ADARB1: variants seen among roughly 807,000 people sequenced by gnomAD.
ADARB1 encodes the protein adenosine deaminase RNA specific B1.
A neutral mutation model predicts 52.4 loss-of-function variants in ADARB1; 10 were observed. The observed-to-expected ratio is 0.19, with a 90% confidence interval of 0.12 to 0.32. The LOEUF is 0.32. ADARB1 is among the 10% of genes least tolerant of loss of function. The pLI is 1.00. For missense variants in ADARB1, 643 were observed against 922.3 expected, an observed-to-expected ratio of 0.70 and a Z score of 3.92; for synonymous variants, 349 against 371.1, an observed-to-expected ratio of 0.94 and a Z score of 0.68.
intron 8 of ADARB1, among the ~76,000 whole-genome samples, chr21:45,188,315 C>A (rs1278272604): frequency 1.3e-5 from 2 of 152,182 alleles, no homozygotes; most frequent in African/African-American, 4.8e-5. Flanking sequence ...CCATGTTGGT[C>A]AGGCTGATCT....
At chr21:45,144,692 T>G (rs777847844) in intron 2 of ADARB1, 46 of 449,970 alleles carry the variant, frequency 1.0e-4, no homozygotes, top group Non-Finnish European at 1.8e-4. Context: ...AGGGCATTGC[T>G]TCAACTCTGG....
Position 45,223,900 on chromosome 21 carries a change from G to T in ADARB1, c.*1703G>T. The stretch of plus-strand genomic sequence containing the variant: ...GGGACATGACCGGGTTCAGCGGCTA[G>T]AACATCTGCCCCACAGCAGCCTCCT... On this transcript the variant is annotated 3_prime_UTR_variant, in exon 11 of 11. Transcript: ENST00000348831. 1 of 985,564 alleles carries T rather than the reference G, an allele frequency of 1.0e-6. No individual in the cohort carries two copies. The highest frequency in any genetic ancestry group is 1.2e-6 in the Non-Finnish European group (1 of 830,116). 61.1% of individuals were successfully genotyped at this position (985,564 alleles called of 1,614,324 possible). A position where few individuals can be genotyped will look rare whatever the true frequency, so the allele number is the denominator to read the frequency against.
At chr21:45,109,247 G>A (rs369345108) in intron 1 of ADARB1, among the ~76,000 whole-genome samples, 1 of 129,946 alleles carries the variant, frequency 7.7e-6, no homozygotes, top group Non-Finnish European at 1.6e-5. Flanking sequence ...GTGTGTGCGC[G>A]CGTGTGCGTA....
chr21:45,162,647 A>G (rs1206159494), intron 2 of ADARB1, among the ~76,000 whole-genome samples: 1 of 152,222 alleles, frequency 6.6e-6, no homozygotes, highest in Non-Finnish European at 1.5e-5. Context: ...AGGGGCATGC[A>G]GATCTGTCCA....
In ADARB1 at chr21:45,128,634, T is replaced by C. The variant is rs576003621; in HGVS notation, c.-48+61T>C. The stretch of plus-strand genomic sequence containing the variant: ...ACTGGTAGAAATGCCTTTTTCTTGA[T>C]ATAAACCGCTTAATTAAGCCTTTTG... On this transcript the variant is annotated intron_variant, in intron 2 of 10. Coordinates refer to ENST00000348831, the MANE Select transcript of ADARB1 (RefSeq NM_001112.4). The surrounding 1 kb of genome is among the most constrained non-coding windows in gnomAD (Gnocchi z 4.6). The C allele has an allele frequency of 6.6e-6, 1 of 152,410 alleles. No homozygotes were observed. Among genetic ancestry groups the C allele is most frequent in the South Asian group, 2.1e-4 (1 of 4,830 alleles). The allele number at this position is 152,410 out of a possible 1,614,324, so 9.4% of individuals were successfully genotyped here.
intron 8 of ADARB1, among the ~76,000 whole-genome samples, chr21:45,202,852 C>T (rs898768307): frequency 6.6e-6 from 1 of 151,356 alleles, no homozygotes; most frequent in Non-Finnish European, 1.5e-5. Context: ...GAGCGTCTTC[C>T]CCTGCAGCCT....
At chr21:45,182,495 C>A in intron 5 of ADARB1, 90 bp from the exon 6 acceptor site, 1 of 1,396,036 alleles carries the variant, frequency 7.2e-7, no homozygotes, top group Non-Finnish European at 9.6e-7. Context: ...AAAGTTAAGT[C>A]ACTGAGAATA....
Position 45,225,406 on chromosome 21 carries a change from T to C in ADARB1, c.*3209T>C, listed in dbSNP as rs2093045347. On this transcript the variant is annotated 3_prime_UTR_variant, in exon 11 of 11. Transcript: ENST00000348831. The stretch of plus-strand genomic sequence containing the variant: ...ATTTTTTGTAATTAAAAGCAATTAT[T>C]TTAAAATGTGCAAGCCAGTATCTCA... The C allele has an allele frequency of 7.7e-7, 1 of 1,292,168 alleles. No individual in the cohort carries two copies. Among genetic ancestry groups the C allele is most frequent in the South Asian group, 3.3e-5 (1 of 30,532 alleles). The allele number at this position is 1,292,168 out of a possible 1,614,324, so 80.0% of individuals were successfully genotyped here. A position where few individuals can be genotyped will look rare whatever the true frequency, so the allele number is the denominator to read the frequency against.
At chr21:45,088,673 A>G (rs555278794) in intron 1 of ADARB1, among the ~76,000 whole-genome samples, 4 of 152,296 alleles carry the variant, frequency 2.6e-5, no homozygotes, top group East Asian at 1.9e-4. Flanking sequence ...GAGAAACAGG[A>G]TATTTGCCTA....
At chr21:45,154,991 A>C (rs2090480499) in intron 2 of ADARB1, among the ~76,000 whole-genome samples, 1 of 152,226 alleles carries the variant, frequency 6.6e-6, no homozygotes, top group Non-Finnish European at 1.5e-5. Flanking sequence ...AGATGGGAAC[A>C]AAGAGGCAGT....
At chr21:45,118,004 C>T (rs901956144) in intron 1 of ADARB1, among the ~76,000 whole-genome samples, 6 of 152,204 alleles carry the variant, frequency 3.9e-5, no homozygotes, top group African/African-American at 1.4e-4. Context: ...AGGCTTAAAA[C>T]ATTTGTAGTG....
chr21:45,134,743 C>T, intron 2 of ADARB1: 1 of 530,666 alleles, frequency 1.9e-6, no homozygotes, highest in Non-Finnish European at 3.9e-6. Flanking sequence ...ATGAGCACAC[C>T]CTCATTCATC....
chr21:45,194,439 C>A (rs767643484), intron 8 of ADARB1, among the ~76,000 whole-genome samples: 4 of 111,330 alleles, frequency 3.6e-5, no homozygotes, highest in Non-Finnish European at 3.5e-5. Flanking sequence ...GCCTGTTCAC[C>A]CCCTCTCACC....
At chr21:45,134,789 A>C (rs1412569091) in intron 2 of ADARB1, 1 of 533,284 alleles carries the variant, frequency 1.9e-6, no homozygotes, top group Admixed American at 1.9e-5. Context: ...GGCCAGGCCC[A>C]TGAGTGATGA....
chr21:45,158,756 T>C (rs983132483), intron 2 of ADARB1, among the ~76,000 whole-genome samples: 11 of 152,200 alleles, frequency 7.2e-5, no homozygotes, highest in South Asian at 4.1e-4. Flanking sequence ...GCACAGGCTG[T>C]CTGAGACCTG....
In ADARB1 at chr21:45,222,147, G is replaced by T; in HGVS notation, c.2056G>T (p.Ala686Ser). Residue 686 changes from alanine to serine, a missense_variant, in exon 11 of 11, where the codon GCC (alanine) becomes TCC (serine). By Grantham distance (99) the Ala-to-Ser change is moderately conservative. Coordinates refer to ENST00000348831, the MANE Select transcript of ADARB1 (RefSeq NM_001112.4). ...FTAFIKAGLG[A>S]WVEKPTEQDQ... Reference sequence around the variant, plus strand: ...AGCCTTCATCAAGGCGGGGCTGGGGGCCTGGGTGGAGAAGCCCACCGAGCA... The same window carrying T: ...AGCCTTCATCAAGGCGGGGCTGGGGTCCTGGGTGGAGAAGCCCACCGAGCA... 6.2e-7 allele frequency: 1 copy of T among 1,607,808 alleles called. No homozygotes were observed. The highest frequency in any genetic ancestry group is 8.5e-7 in the Non-Finnish European group (1 of 1,177,602).
intron 9 of ADARB1, among the ~76,000 whole-genome samples, chr21:45,206,892 G>A (rs1329621993): frequency 2.0e-5 from 3 of 152,138 alleles, no homozygotes; most frequent in Admixed American, 2.0e-4. Flanking sequence ...CTCTAATCTT[G>A]ATAGCCTAAA....
At chr21:45,173,807 T>G (rs1332061881) in intron 3 of ADARB1, among the ~76,000 whole-genome samples, 2 of 151,834 alleles carry the variant, frequency 1.3e-5, no homozygotes, top group African/African-American at 4.8e-5. Flanking sequence ...AAATGAAAAT[T>G]TAGTGTCCAT....
chr21:45,214,664 C>G (rs2092829039), intron 9 of ADARB1, among the ~76,000 whole-genome samples: 1 of 152,102 alleles, frequency 6.6e-6, no homozygotes, highest in African/African-American at 2.4e-5. Flanking sequence ...TGCCTTGTGC[C>G]CTTGTCAAAA....
Sources: gnomAD v4.1 joint callset for allele counts (sites outside exome capture counted in the v4.1 genomes callset) on GRCh38, gnomAD v4.1.1 for gene constraint, Gnocchi (gnomAD v3.1) non-coding constraint, MANE v1.5 for transcripts, NCBI Gene and HGNC (gene_info 2026-07-23, HGNC 2026-07-21) for gene names.